The following PTPRK variants were observed in gnomAD, a reference collection of about 807,000 sequenced individuals.
PTPRK encodes protein tyrosine phosphatase receptor type K.
In PTPRK, 75 loss-of-function variants were observed where a neutral mutation model predicts 178.0. The ratio of observed to expected loss-of-function variants is 0.42; its 90% CI spans 0.35 to 0.51. The LOEUF is 0.51. Among genes scored for constraint, PTPRK ranks in the 20% least tolerant of loss-of-function variants. The probability of loss-of-function intolerance (pLI) is 0.02; values close to 1 mark genes in which losing one functional copy is unlikely to be tolerated. For missense variants in PTPRK, 1,441 were observed against 1,797.8 expected (o/e 0.80, Z 3.59); for synonymous variants, 637 against 620.6 (o/e 1.03, Z -0.39).
intron 8 of PTPRK, among the ~76,000 whole-genome samples, chr6:128,085,867 C>G (rs1310137939): frequency 6.6e-6 from 1 of 152,180 alleles, no homozygotes; most frequent in Non-Finnish European, 1.5e-5. Flanking sequence ...AGGAACTATA[C>G]TTAGATGAAC....
At position 128,024,004 on chromosome 6, in the gene PTPRK, T is replaced by C. The variant is rs143004513; in HGVS notation, c.2195-14736A>G. ...TTTTAAACTCAAATAGAGACATCTC[T>C]AGGGCAATCAGATAATTCACAAATT... On this transcript the variant is annotated intron_variant, in intron 13 of 29. Transcript: ENST00000368226. Among the ~76,000 whole-genome samples, 361 of 152,178 alleles carry C rather than the reference T, an allele frequency of 2.4e-3. 1 individual carries two copies. The highest frequency in any genetic ancestry group is 7.9e-3 in the African/African-American group (330 of 41,520).
chr6:128,375,061 T>C lies in PTPRK; in HGVS notation c.223+22505A>G, dbSNP rs146978920. Among the ~76,000 whole-genome samples, 455 of 83,938 alleles carry C rather than the reference T, an allele frequency of 5.4e-3. 4 individuals are homozygous for C. The highest frequency in any genetic ancestry group is 7.3e-3 in the South Asian group (21 of 2,882). 55.1% of individuals were successfully genotyped at this position (83,938 alleles called of 152,430 possible). ...TCCATGGTACTTAGAAACACTGCAT[T>C]ATTATTATTATTATTATTATTATTA... On this transcript the variant is annotated intron_variant, in intron 2 of 29. Coordinates refer to ENST00000368226, the MANE Select transcript of PTPRK (RefSeq NM_002844.4).
At chr6:128,306,276 C>A (rs1040327775) in intron 3 of PTPRK, among the ~76,000 whole-genome samples, 1 of 151,996 alleles carries the variant, frequency 6.6e-6, no homozygotes, top group African/African-American at 2.4e-5. Context: ...ATCATGAATG[C>A]CAAAAGAATG....
intron 3 of PTPRK, among the ~76,000 whole-genome samples, chr6:128,247,125 C>T (rs1309098023): frequency 6.6e-6 from 1 of 152,048 alleles, no homozygotes; most frequent in Non-Finnish European, 1.5e-5. Flanking sequence ...GACAATACTG[C>T]CTTTCCGTAC....
intron 1 of PTPRK, among the ~76,000 whole-genome samples, chr6:128,438,203 G>C (rs1310568824): frequency 1.3e-5 from 2 of 152,242 alleles, no homozygotes; most frequent in East Asian, 1.9e-4. Context: ...CTCAAAGAGA[G>C]TCTTGCCTGT....
chr6:128,472,417 G>C (rs1464693336), intron 1 of PTPRK, among the ~76,000 whole-genome samples: 1 of 103,868 alleles, frequency 9.6e-6, no homozygotes, highest in African/African-American at 5.2e-5. Context: ...CTGAATTTTT[G>C]ACACCCCCCC....
At chr6:128,417,559 T>A (rs1411887264) in intron 1 of PTPRK, among the ~76,000 whole-genome samples, 1 of 152,244 alleles carries the variant, frequency 6.6e-6, no homozygotes, top group African/African-American at 2.4e-5. Context: ...AGAAAACTAA[T>A]GTGTTTGCAT....
intron 3 of PTPRK, among the ~76,000 whole-genome samples, chr6:128,293,786 T>G (rs1052679592): frequency 6.6e-6 from 1 of 152,088 alleles, no homozygotes; most frequent in Non-Finnish European, 1.5e-5. Context: ...TAAAACTAAC[T>G]GAGGAAAAGA....
intron 6 of PTPRK, among the ~76,000 whole-genome samples, chr6:128,215,038 A>C (rs1809002673): frequency 6.6e-6 from 1 of 152,196 alleles, no homozygotes; most frequent in Non-Finnish European, 1.5e-5. Context: ...AGTAATTGAC[A>C]CTAAAATTTA....
At chr6:128,408,337 G>A (rs1482800726) in intron 1 of PTPRK, among the ~76,000 whole-genome samples, 4 of 152,128 alleles carry the variant, frequency 2.6e-5, no homozygotes, top group African/African-American at 7.2e-5. Flanking sequence ...ACAGTGAGCC[G>A]AGATCGTGCC....
rs370642834 is a variant in PTPRK, at chr6:128,462,417, G to C, written c.100+57842C>G. Among the ~76,000 whole-genome samples the C allele has an allele frequency of 6.1e-4, 92 of 151,860 alleles. 2 individuals are homozygous for C. The South Asian group carries it at 0.019, about 31-fold the overall frequency. ...AAATAATATAAAAACTAATGAGATA[G>C]TAACACTCTTTTGTTCTTATCATAC... is the stretch of plus-strand genomic sequence containing the variant. On this transcript the variant is annotated intron_variant, in intron 1 of 29. Transcript: ENST00000368226.
chr6:128,440,757 C>A (rs1846177040), intron 1 of PTPRK, among the ~76,000 whole-genome samples: 1 of 152,022 alleles, frequency 6.6e-6, no homozygotes. Context: ...AGAACTGCCT[C>A]ATTATTTTAA....
At chr6:128,401,571 T>A (rs1841022902) in intron 1 of PTPRK, among the ~76,000 whole-genome samples, 1 of 152,128 alleles carries the variant, frequency 6.6e-6, no homozygotes, top group Non-Finnish European at 1.5e-5. Flanking sequence ...AAGTCGTAGA[T>A]CACTGGAGAG....
At chr6:127,987,712 C>T (rs1484575685) in intron 21 of PTPRK, among the ~76,000 whole-genome samples, 2 of 152,026 alleles carry the variant, frequency 1.3e-5, no homozygotes, top group Non-Finnish European at 2.9e-5. Flanking sequence ...ATTTCATTTG[C>T]TAAAACTTCC....
chr6:127,992,754 GAAAT>G (rs1372922025), intron 18 of PTPRK, 45 bp from the exon 19 acceptor site: 2 of 1,428,782 alleles, frequency 1.4e-6, no homozygotes, highest in African/African-American at 1.5e-5. Context: ...ATCAATATCA[GAAAT>G]AAATGAATGA....
chr6:128,004,240 T>C (rs919956524), intron 15 of PTPRK, among the ~76,000 whole-genome samples: 17 of 151,830 alleles, frequency 1.1e-4, no homozygotes, highest in Admixed American at 1.1e-3. Context: ...ATATACCTGA[T>C]TTGCCTGCCT....
chr6:128,117,517 T>C (rs977260711), intron 7 of PTPRK, among the ~76,000 whole-genome samples: 3 of 152,230 alleles, frequency 2.0e-5, no homozygotes, highest in Non-Finnish European at 2.9e-5. Flanking sequence ...TCCCCTAATA[T>C]AACATTTTAT....
chr6:128,492,530 C>G (rs188707367), intron 1 of PTPRK, among the ~76,000 whole-genome samples: 1 of 152,164 alleles, frequency 6.6e-6, no homozygotes, highest in Non-Finnish European at 1.5e-5. Context: ...ACTTATTTGT[C>G]TTTTATTACT....
chr6:128,325,934 G>T (rs773397050), intron 2 of PTPRK, among the ~76,000 whole-genome samples: 1 of 152,136 alleles, frequency 6.6e-6, no homozygotes, highest in Non-Finnish European at 1.5e-5. Flanking sequence ...GTCCATCAAT[G>T]GTAGACTGGA....
Sources: allele counts gnomAD v4.1 joint callset (sites outside exome capture counted in the v4.1 genomes callset), GRCh38; gene constraint gnomAD v4.1.1; transcripts MANE v1.5; gene names NCBI Gene and HGNC (gene_info 2026-07-23, HGNC 2026-07-21).